Variants in YWHAE observed in about 807,000 individuals in gnomAD.
The protein encoded by YWHAE is 14-3-3 protein epsilon.
YWHAE carries 4 observed loss-of-function variants against 30.1 expected under a neutral mutation model. The observed-to-expected ratio is 0.13, with a 90% CI of 0.07 to 0.30. YWHAE has a LOEUF of 0.30. Among genes scored for constraint, YWHAE ranks in the 10% least tolerant of loss-of-function variants. The pLI is 1.00. For synonymous variants in YWHAE, 118 were observed against 111.8 expected (o/e 1.06, Z -0.35); for missense variants, 121 against 315.9 (o/e 0.38, Z 4.68).
At chr17:1,364,834 G>C in intron 2 of YWHAE, 25 bp downstream of exon 2, 1 of 1,613,766 alleles carries the variant, frequency 6.2e-7, no homozygotes, top group Non-Finnish European at 8.5e-7. Flanking sequence ...GTGGATAAGG[G>C]GGGATGATGG....
intron 4 of YWHAE, among the ~76,000 whole-genome samples, chr17:1,357,082 A>C (rs1428874488): frequency 6.6e-6 from 1 of 151,122 alleles, no homozygotes; most frequent in African/African-American, 2.4e-5. Context: ...ATCCTGGCTA[A>C]CACAGGGAAA....
intron 4 of YWHAE, among the ~76,000 whole-genome samples, chr17:1,356,427 CAATT>C (rs2072743880): frequency 6.6e-6 from 1 of 152,020 alleles, no homozygotes; most frequent in Non-Finnish European, 1.5e-5. Context: ...GAAGGAGGAG[CAATT>C]AAAGGGAAAG....
At chr17:1,394,956 G>C (rs1030831015) in intron 1 of YWHAE, among the ~76,000 whole-genome samples, 1 of 152,092 alleles carries the variant, frequency 6.6e-6, no homozygotes, top group Non-Finnish European at 1.5e-5. Context: ...GACAGAGCAA[G>C]ACTGTCTCAA....
At chr17:1,349,327 G>A (rs1228030291) in intron 5 of YWHAE, among the ~76,000 whole-genome samples, 7 of 152,260 alleles carry the variant, frequency 4.6e-5, no homozygotes, top group African/African-American at 1.7e-4. Flanking sequence ...GGGCAACAGA[G>A]TGATACTCCA....
chr17:1,374,169 C>G (rs1470272006), intron 1 of YWHAE, among the ~76,000 whole-genome samples: 1 of 151,836 alleles, frequency 6.6e-6, no homozygotes, highest in Non-Finnish European at 1.5e-5. Flanking sequence ...AAAAATTAGG[C>G]TGCCATGATG....
intron 4 of YWHAE, among the ~76,000 whole-genome samples, chr17:1,358,672 C>T (rs1053523947): frequency 6.6e-5 from 10 of 151,590 alleles, no homozygotes; most frequent in African/African-American, 2.4e-4. Context: ...CTAAAAATGC[C>T]CCCAAAAATT....
intron 5 of YWHAE, chr17:1,347,881 A>C (rs1310533914): frequency 4.3e-5 from 37 of 860,988 alleles, no homozygotes; most frequent in Admixed American, 2.4e-4. Context: ...GTCTGTAAGC[A>C]ACAGGACGAT....
At chr17:1,393,922 G>A (rs2073425615) in intron 1 of YWHAE, among the ~76,000 whole-genome samples, 1 of 152,102 alleles carries the variant, frequency 6.6e-6, no homozygotes, top group Non-Finnish European at 1.5e-5. Flanking sequence ...GGTTTCTTTA[G>A]GAAAGTGAAA....
intron 1 of YWHAE, among the ~76,000 whole-genome samples, chr17:1,370,311 T>G (rs2073015483): frequency 1.3e-5 from 2 of 151,500 alleles, no homozygotes; most frequent in South Asian, 2.1e-4. Flanking sequence ...GTGTGTATTT[T>G]TAGTAGAGGC....
intron 1 of YWHAE, among the ~76,000 whole-genome samples, chr17:1,397,663 C>A (rs116215468): frequency 3.7e-3 from 562 of 152,282 alleles, no homozygotes; most frequent in African/African-American, 0.012. Flanking sequence ...ACCCCCGACA[C>A]CTGCTAAGTT....
chr17:1,373,245 A>G (rs2073068139), intron 1 of YWHAE, among the ~76,000 whole-genome samples: 1 of 152,168 alleles, frequency 6.6e-6, no homozygotes. Flanking sequence ...CTCAGTCTCA[A>G]AAAACAAGCA....
chr17:1,390,340 G>T (rs1363371937), intron 1 of YWHAE, among the ~76,000 whole-genome samples: 3 of 152,140 alleles, frequency 2.0e-5, no homozygotes, highest in Non-Finnish European at 4.4e-5. Context: ...TAAGATTAAG[G>T]ATTTTGAGAA....
intron 4 of YWHAE, among the ~76,000 whole-genome samples, chr17:1,356,675 T>C (rs762751668): frequency 7.2e-5 from 11 of 152,136 alleles, no homozygotes; most frequent in Non-Finnish European, 1.5e-4. Context: ...TGTTTTTACA[T>C]TGGCTGGGCG....
At chr17:1,379,869 G>A (rs912021087) in intron 1 of YWHAE, among the ~76,000 whole-genome samples, 11 of 152,178 alleles carry the variant, frequency 7.2e-5, no homozygotes, top group African/African-American at 2.7e-4. Flanking sequence ...ATTATACTTT[G>A]TGTTCAGTAC....
intron 1 of YWHAE, among the ~76,000 whole-genome samples, chr17:1,396,961 G>T (rs1465735810): frequency 6.9e-6 from 1 of 145,864 alleles, no homozygotes. Flanking sequence ...TCGCTCTGTT[G>T]CCCAGGCTGT....
rs527701897 is a variant in YWHAE, at chr17:1,371,203, C to A, written c.65-6145G>T. On this transcript the variant is annotated intron_variant, in intron 1 of 5. Coordinates refer to ENST00000264335, the MANE Select transcript of YWHAE (RefSeq NM_006761.5). ...GCTCAAGCGATCCTCCAACCTCAGCCTCCTGAGTAGCTGGGACTACAGGTG... is the reference window on the plus strand; with the variant it reads ...GCTCAAGCGATCCTCCAACCTCAGCATCCTGAGTAGCTGGGACTACAGGTG... Among the ~76,000 whole-genome samples, 9 of 152,172 alleles carry A rather than the reference C, an allele frequency of 5.9e-5. No homozygotes were observed. In the East Asian group the frequency reaches 1.7e-3, roughly 29 times the overall value.
At chr17:1,395,150 T>C (rs1157284663) in intron 1 of YWHAE, among the ~76,000 whole-genome samples, 1 of 151,506 alleles carries the variant, frequency 6.6e-6, no homozygotes, top group Non-Finnish European at 1.5e-5. Flanking sequence ...TCCAACACTT[T>C]GGGAGGCCGA....
At chr17:1,396,356 G>A (rs1344081018) in intron 1 of YWHAE, among the ~76,000 whole-genome samples, 3 of 152,116 alleles carry the variant, frequency 2.0e-5, no homozygotes, top group African/African-American at 4.8e-5. Context: ...CCCTGGAGGC[G>A]GAGGTTGCAG....
At chr17:1,393,435 GC>G (rs2073418923) in intron 1 of YWHAE, among the ~76,000 whole-genome samples, 1 of 151,996 alleles carries the variant, frequency 6.6e-6, no homozygotes, top group Non-Finnish European at 1.5e-5. Context: ...AAACTACGGG[GC>G]TTTTCTTTTC....
Sources: allele counts gnomAD v4.1 joint callset (sites outside exome capture counted in the v4.1 genomes callset), GRCh38; gene constraint gnomAD v4.1.1; transcripts MANE v1.5; gene names NCBI Gene and HGNC (gene_info 2026-07-23, HGNC 2026-07-21).